The following NRXN3 variants were observed in gnomAD, a reference collection of about 807,000 sequenced individuals.
NRXN3 encodes the protein neurexin III.
NRXN3 carries 32 observed loss-of-function variants against 137.6 expected under a neutral mutation model. The ratio of observed to expected loss-of-function variants is 0.23; its 90% CI spans 0.18 to 0.31. The LOEUF is 0.31. NRXN3 is among the 10% of genes least tolerant of loss of function. The pLI is 1.00. For synonymous variants in NRXN3, 798 were observed against 784.5 expected, an observed-to-expected ratio of 1.02 and a Z score of -0.29; for missense variants, 1,574 against 2,062.5, an observed-to-expected ratio of 0.76 and a Z score of 4.59.
At chr14:79,124,482 C>T (rs1381096222) in intron 15 of NRXN3, among the ~76,000 whole-genome samples, 1 of 152,160 alleles carries the variant, frequency 6.6e-6, no homozygotes, top group Non-Finnish European at 1.5e-5. Context: ...TCTGTGTGTG[C>T]TTGCATGCCA....
chr14:78,203,870 G>A (rs1367757255), intron 1 of NRXN3, among the ~76,000 whole-genome samples: 3 of 111,242 alleles, frequency 2.7e-5, no homozygotes, highest in Admixed American at 9.0e-5. Flanking sequence ...GTGTGTGTGT[G>A]TGGTTTGTGT....
At position 78,739,132 on chromosome 14, in the gene NRXN3, C is replaced by A. The variant is rs988050151; in HGVS notation, c.2044+23993C>A. On this transcript the variant is annotated intron_variant, in intron 8 of 20. Transcript: ENST00000335750. ...TCTTCCATTTGAGTCTGGATTAACA[C>A]AGTAGATGCTGCTCTTTTTTGTCAT... Among the ~76,000 whole-genome samples the A allele has an allele frequency of 5.3e-5, 8 of 152,314 alleles. No homozygotes were observed. In the East Asian group the frequency reaches 1.5e-3, roughly 29 times the overall value.
At chr14:78,480,569 A>T (rs1393382290) in intron 4 of NRXN3, among the ~76,000 whole-genome samples, 1 of 152,184 alleles carries the variant, frequency 6.6e-6, no homozygotes, top group Non-Finnish European at 1.5e-5. Flanking sequence ...AGTTGACCTG[A>T]GTTGCTAATA....
intron 15 of NRXN3, among the ~76,000 whole-genome samples, chr14:78,992,045 TG>T (rs1222678197): frequency 1.1e-4 from 16 of 152,326 alleles, no homozygotes; most frequent in African/African-American, 3.8e-4. Flanking sequence ...CTCCCTTGTA[TG>T]GGGTTAGGAA....
intron 6 of NRXN3, among the ~76,000 whole-genome samples, chr14:78,685,530 A>T (rs951817162): frequency 1.3e-5 from 2 of 151,698 alleles, no homozygotes; most frequent in African/African-American, 4.8e-5. Flanking sequence ...ACTGCTCAAG[A>T]CTTTTGTCCT....
At chr14:78,485,988 T>C (rs1048545782) in intron 4 of NRXN3, among the ~76,000 whole-genome samples, 1 of 152,348 alleles carries the variant, frequency 6.6e-6, no homozygotes, top group African/African-American at 2.4e-5. Context: ...GTGGTGACTA[T>C]ATTTGCAGAG....
At chr14:78,325,456 T>TA (rs1238443650) in intron 4 of NRXN3, among the ~76,000 whole-genome samples, 2 of 150,758 alleles carry the variant, frequency 1.3e-5, no homozygotes, top group African/African-American at 5.0e-5. Flanking sequence ...TAATAGTCCT[T>TA]ACTTTGGGAA....
intron 1 of NRXN3, among the ~76,000 whole-genome samples, chr14:78,229,028 G>A (rs2065040621): frequency 6.6e-6 from 1 of 152,160 alleles, no homozygotes; most frequent in African/African-American, 2.4e-5. Flanking sequence ...TTGCACATTT[G>A]TGCAAATGAC....
At chr14:79,761,842 G>A (rs1257637197) in intron 19 of NRXN3, among the ~76,000 whole-genome samples, 1 of 151,660 alleles carries the variant, frequency 6.6e-6, no homozygotes, top group African/African-American at 2.4e-5. Flanking sequence ...CTTTTCATGT[G>A]TTCTGGCTAA....
intron 19 of NRXN3, among the ~76,000 whole-genome samples, chr14:79,759,351 A>G (rs1204687461): frequency 6.6e-6 from 1 of 151,702 alleles, no homozygotes; most frequent in African/African-American, 2.4e-5. Flanking sequence ...TATTGACAGT[A>G]TTCTTTCTCT....
chr14:79,423,659 C>G (rs1274772039), intron 15 of NRXN3, among the ~76,000 whole-genome samples: 1 of 152,150 alleles, frequency 6.6e-6, no homozygotes, highest in African/African-American at 2.4e-5. Context: ...AGGGTGAAAG[C>G]GTCGGTTGCT....
chr14:78,958,643 T>G (rs768154529), intron 11 of NRXN3, among the ~76,000 whole-genome samples: 1 of 152,158 alleles, frequency 6.6e-6, no homozygotes. Flanking sequence ...GCGTGAGCCA[T>G]CGCGCCAGGC....
At chr14:79,098,146 G>T (rs575142698) in intron 15 of NRXN3, among the ~76,000 whole-genome samples, 1 of 152,194 alleles carries the variant, frequency 6.6e-6, no homozygotes, top group African/African-American at 2.4e-5. Context: ...GATTTAAAAT[G>T]CTTTATTATT....
At chr14:79,563,813 C>T (rs2097524922) in intron 16 of NRXN3, among the ~76,000 whole-genome samples, 1 of 152,044 alleles carries the variant, frequency 6.6e-6, no homozygotes, top group Non-Finnish European at 1.5e-5. Context: ...GGATCTCCCT[C>T]CTCTACCAGA....
At chr14:79,221,841 G>A (rs1371745599) in intron 15 of NRXN3, among the ~76,000 whole-genome samples, 4 of 152,174 alleles carry the variant, frequency 2.6e-5, no homozygotes, top group African/African-American at 9.7e-5. Context: ...CCTATGTCCT[G>A]AATGGTATTG....
chr14:78,401,367 A>G (rs546334172), intron 4 of NRXN3, among the ~76,000 whole-genome samples: 1 of 152,182 alleles, frequency 6.6e-6, no homozygotes, highest in East Asian at 1.9e-4. Context: ...GTTTTGCCAT[A>G]TTGGCCAGGC....
At chr14:79,728,703 C>T (rs909846727) in intron 19 of NRXN3, among the ~76,000 whole-genome samples, 1 of 152,148 alleles carries the variant, frequency 6.6e-6, no homozygotes, top group African/African-American at 2.4e-5. Context: ...CAAATGGCTG[C>T]CTCACCATTT....
chr14:78,794,933 C>CAA (rs768073608), intron 8 of NRXN3, among the ~76,000 whole-genome samples: 6 of 23,412 alleles, frequency 2.6e-4, no homozygotes, highest in Admixed American at 7.6e-4. Context: ...AACAAACAAA[C>CAA]AAACAAAAAA....
chr14:78,371,540 T>A (rs1378964265), intron 4 of NRXN3, among the ~76,000 whole-genome samples: 3 of 152,194 alleles, frequency 2.0e-5, no homozygotes, highest in Non-Finnish European at 2.9e-5. Context: ...TCACACTGAC[T>A]CTTCACTGAG....
Sources: allele counts gnomAD v4.1 joint callset (sites outside exome capture counted in the v4.1 genomes callset), GRCh38; gene constraint gnomAD v4.1.1; transcripts MANE v1.5; gene names NCBI Gene and HGNC (gene_info 2026-07-23, HGNC 2026-07-21).